The following SCAF8 variants were observed in gnomAD, a reference collection of about 807,000 sequenced individuals.
The protein encoded by SCAF8 is SR-related CTD associated factor 8.
A neutral mutation model predicts 140.5 loss-of-function variants in SCAF8; 23 were observed. The ratio of observed to expected loss-of-function variants is 0.16; its 90% CI spans 0.12 to 0.23. The LOEUF is 0.23. SCAF8 is among the 10% of genes least tolerant of loss of function. The pLI, the probability that SCAF8 is intolerant of heterozygous loss-of-function variation, is 1.00. For synonymous variants in SCAF8, 575 were observed against 528.9 expected (o/e 1.09, Z -1.20); for missense variants, 1,397 against 1,555.7 (o/e 0.90, Z 1.72).
intron 1 of SCAF8, among the ~76,000 whole-genome samples, chr6:154,756,942 T>C (rs988737865): frequency 6.6e-6 from 1 of 152,156 alleles, no homozygotes; most frequent in African/African-American, 2.4e-5. Flanking sequence ...GTGGATCGCT[T>C]GAGCCTGGGA....
Position 154,818,493 on chromosome 6 carries a change from G to A in SCAF8, c.1536G>A (p.Arg512=). The A allele has an allele frequency of 1.9e-6, 3 of 1,591,008 alleles. No homozygotes were observed. The highest frequency in any genetic ancestry group is 2.6e-6 in the Non-Finnish European group (3 of 1,167,722). Reference sequence around the variant, plus strand: ...TTTTTTATTAGATGATTCCTCCCCGGGGCTGTGCTTATGTCTGCATGGTTC... The same window carrying A: ...TTTTTTATTAGATGATTCCTCCCCGAGGCTGTGCTTATGTCTGCATGGTTC... ...QIESINMIPP[R]GCAYVCMVHR... Residue 512 remains arginine, a synonymous_variant, in exon 14 of 20, where the codon CGG becomes CGA. Coordinates refer to ENST00000367178, the MANE Select transcript of SCAF8 (RefSeq NM_014892.5).
chr6:154,739,619 A>ACAG (rs1778517177), intron 1 of SCAF8, among the ~76,000 whole-genome samples: 1 of 152,222 alleles, frequency 6.6e-6, no homozygotes, highest in East Asian at 1.9e-4. Flanking sequence ...ACCTTTAGTT[A>ACAG]TATTTAGGAT....
intron 1 of SCAF8, among the ~76,000 whole-genome samples, chr6:154,755,160 CT>C (rs1158544688): frequency 1.2e-4 from 18 of 152,158 alleles, no homozygotes; most frequent in African/African-American, 3.9e-4. Flanking sequence ...ATCGCTTCTC[CT>C]TTGGTTTGTT....
rs57095332 is a variant in SCAF8, at chr6:154,790,489, A to ATTTTTTTTTTTTT, written c.322-2307_322-2295dup. On this transcript the variant is annotated intron_variant, in intron 4 of 19. Coordinates refer to ENST00000367178, the MANE Select transcript of SCAF8 (RefSeq NM_014892.5). ...TTGTAAAACATATACATTTAACAGAATTTTTTTTTTTTTTTTTTTTTTTTT... is the reference window on the plus strand; with the variant it reads ...TTGTAAAACATATACATTTAACAGAATTTTTTTTTTTTTTTTTTTTTTTTTTTTTTTTTTTTTT... Among the ~76,000 whole-genome samples, 34 of 70,878 alleles carry ATTTTTTTTTTTTT rather than the reference A, an allele frequency of 4.8e-4. 3 individuals carry two copies. Among genetic ancestry groups the ATTTTTTTTTTTTT allele is most frequent in the Non-Finnish European group, 7.9e-4 (30 of 37,996 alleles). 46.5% of individuals were successfully genotyped at this position (70,878 alleles called of 152,430 possible).
intron 10 of SCAF8, among the ~76,000 whole-genome samples, chr6:154,808,430 C>A (rs1331024304): frequency 6.6e-6 from 1 of 150,756 alleles, no homozygotes; most frequent in Non-Finnish European, 1.5e-5. Context: ...TGTAAACTTT[C>A]TTAAAACAAT....
intron 2 of SCAF8, 150 bp from the exon 3 acceptor site, chr6:154,777,851 A>G (rs546786789): frequency 3.3e-6 from 2 of 610,872 alleles, no homozygotes; most frequent in East Asian, 5.9e-5. Flanking sequence ...TTGCATATAA[A>G]GGTGAGTGAC....
intron 17 of SCAF8, among the ~76,000 whole-genome samples, chr6:154,825,610 C>T (rs938729158): frequency 3.5e-5 from 5 of 142,732 alleles, no homozygotes; most frequent in East Asian, 4.2e-4. Flanking sequence ...GAACTGTGTT[C>T]GCACCACTAC....
At chr6:154,802,629 AT>A (rs60323193) in intron 7 of SCAF8, among the ~76,000 whole-genome samples, 43,941 of 149,678 alleles carry the variant, frequency 0.29, 6,880 homozygotes, top group East Asian at 0.64. Context: ...AAAAAAAAAA[AT>A]TTTTTTTGAA....
At chr6:154,791,110 C>T (rs1471779851) in intron 4 of SCAF8, among the ~76,000 whole-genome samples, 2 of 152,166 alleles carry the variant, frequency 1.3e-5, no homozygotes, top group Admixed American at 1.3e-4. Flanking sequence ...TTACAAAATA[C>T]TGTAGGACAT....
At position 154,832,229 on chromosome 6, in the gene SCAF8, G is replaced by A. The variant is rs755404032; in HGVS notation, c.2650G>A (p.Gly884Arg). 6.2e-7 allele frequency: 1 copy of A among 1,614,096 alleles called. No homozygotes were observed. The highest frequency in any genetic ancestry group is 2.2e-5 in the East Asian group (1 of 44,884). Reference sequence around the variant, plus strand: ...TATACCTAACAATTCTGGACTTGTAGGAGTACAGCCACCAAATGTTCCAAA... The same window carrying A: ...TATACCTAACAATTCTGGACTTGTAAGAGTACAGCCACCAAATGTTCCAAA... ...PNIPNNSGLV[G>R]VQPPNVPNTP... The change falls in exon 20 of 20, where the codon GGA (glycine) becomes AGA (arginine). Residue 884 changes from glycine to arginine, a missense_variant. Coordinates refer to ENST00000367178, the MANE Select transcript of SCAF8 (RefSeq NM_014892.5).
intron 4 of SCAF8, among the ~76,000 whole-genome samples, chr6:154,789,543 A>C (rs530767689): frequency 6.7e-6 from 1 of 149,316 alleles, no homozygotes; most frequent in African/African-American, 2.5e-5. Context: ...GAATGCTTCT[A>C]ATTTTTTTTT....
chr6:154,762,127 T>C (rs1351436970), intron 1 of SCAF8, among the ~76,000 whole-genome samples: 4 of 152,264 alleles, frequency 2.6e-5, no homozygotes, highest in African/African-American at 7.2e-5. Flanking sequence ...TTTCTTCTAC[T>C]GTATTAGTTT....
intron 1 of SCAF8, among the ~76,000 whole-genome samples, chr6:154,738,143 C>G (rs1417007950): frequency 6.6e-6 from 1 of 151,466 alleles, no homozygotes; most frequent in East Asian, 1.9e-4. Flanking sequence ...AATTACTGCA[C>G]CTGTGAATAG....
At chr6:154,767,257 G>C (rs1776603042) in intron 1 of SCAF8, among the ~76,000 whole-genome samples, 1 of 152,112 alleles carries the variant, frequency 6.6e-6, no homozygotes. Flanking sequence ...TTTATAGAAA[G>C]GGCAGTCCTG....
rs191487788 is a variant in SCAF8 at position 154,765,916 on chromosome 6, G to A, written c.31-8073G>A. ...CATGAACAATGGGAGGTTTAGGGGC[G>A]CCAACCCCCGTGTAGCTGAAAATCA... On this transcript the variant is annotated intron_variant, in intron 1 of 19. Transcript: ENST00000367178. Among the ~76,000 whole-genome samples the A allele has an allele frequency of 3.9e-5, 6 of 152,172 alleles. No homozygotes were observed. The East Asian group carries it at 1.2e-3, about 29-fold the overall frequency.
chr6:154,746,083 G>A (rs1026440375), intron 1 of SCAF8, among the ~76,000 whole-genome samples: 2 of 152,050 alleles, frequency 1.3e-5, no homozygotes, highest in South Asian at 2.1e-4. Context: ...TCGAGGTTTT[G>A]CCATGTTGGC....
chr6:154,789,918 T>C (rs541214698), intron 4 of SCAF8, among the ~76,000 whole-genome samples: 1 of 152,234 alleles, frequency 6.6e-6, no homozygotes, highest in Non-Finnish European at 1.5e-5. Flanking sequence ...CTTGAAGTAA[T>C]GTACTAATCT....
chr6:154,746,351 A>G (rs1408401295), intron 1 of SCAF8, among the ~76,000 whole-genome samples: 4 of 152,206 alleles, frequency 2.6e-5, no homozygotes, highest in Non-Finnish European at 5.9e-5. Flanking sequence ...CCTGGGAATC[A>G]GCCATTTCTC....
intron 14 of SCAF8, among the ~76,000 whole-genome samples, chr6:154,819,691 T>C (rs1031698635): frequency 2.0e-5 from 3 of 152,168 alleles, no homozygotes; most frequent in Admixed American, 2.0e-4. Flanking sequence ...ACTGCACTAT[T>C]AGAGTTACAA....
Sources: gnomAD v4.1 joint callset for allele counts (sites outside exome capture counted in the v4.1 genomes callset) on GRCh38, gnomAD v4.1.1 for gene constraint, MANE v1.5 for transcripts, NCBI Gene and HGNC (gene_info 2026-07-23, HGNC 2026-07-21) for gene names.